The following EPHA6 variants were observed in gnomAD, a reference collection of about 807,000 sequenced individuals.
EPHA6 encodes the protein ephrin type-A receptor 6.
In EPHA6, 50 loss-of-function variants were observed where a neutral mutation model predicts 112.0. The ratio of observed to expected loss-of-function variants is 0.45; its 90% CI spans 0.36 to 0.56. The LOEUF is 0.56. Ranked by LOEUF, EPHA6 falls within the 20% of genes least tolerant of loss-of-function variation. The pLI is 0.00. For missense variants in EPHA6, 1,280 were observed against 1,417.4 expected (o/e 0.90, Z 1.56); for synonymous variants, 529 against 490.7 (o/e 1.08, Z -1.03).
chr3:96,854,094 T>C (rs190577056), intron 1 of EPHA6, among the ~76,000 whole-genome samples: 1 of 152,000 alleles, frequency 6.6e-6, no homozygotes, highest in African/African-American at 2.4e-5. Flanking sequence ...TGATATTTTA[T>C]ATATTTTCCA....
At position 97,748,919 on chromosome 3, in the gene EPHA6, A is replaced by G. The variant is rs1213536056; in HGVS notation, c.*218A>G. 9.5e-6 allele frequency: 5 copies of G among 525,300 alleles called. No homozygotes were observed. Among genetic ancestry groups the G allele is most frequent in the Non-Finnish European group, 1.7e-5 (5 of 290,026 alleles). The allele number at this position is 525,300 out of a possible 1,614,324, so 32.5% of individuals were successfully genotyped here. A position where few individuals can be genotyped will look rare whatever the true frequency, so the allele number is the denominator to read the frequency against. ...TAACCTGCAACTAAAACCCTGGCCC[A>G]CTGCAGATTATTGCTACGCAATGGT... On this transcript the variant is annotated 3_prime_UTR_variant, in exon 18 of 18. Transcript: ENST00000389672.
intron 3 of EPHA6, among the ~76,000 whole-genome samples, chr3:97,084,833 T>C (rs2046843359): frequency 6.6e-6 from 1 of 152,078 alleles, no homozygotes; most frequent in Non-Finnish European, 1.5e-5. Context: ...ACCCAAAGGC[T>C]ACAATAACCG....
At chr3:97,305,132 G>A (rs1056388366) in intron 5 of EPHA6, among the ~76,000 whole-genome samples, 10 of 151,900 alleles carry the variant, frequency 6.6e-5, no homozygotes, top group Non-Finnish European at 1.0e-4. Context: ...CTGAATAAAA[G>A]CTCAACATCA....
intron 3 of EPHA6, among the ~76,000 whole-genome samples, chr3:97,214,712 G>C (rs1189800037): frequency 6.6e-6 from 1 of 152,014 alleles, no homozygotes; most frequent in Non-Finnish European, 1.5e-5. Flanking sequence ...TTTGTAATTT[G>C]ATTATTCTTA....
intron 1 of EPHA6, among the ~76,000 whole-genome samples, chr3:96,816,010 A>G (rs1268590031): frequency 1.3e-5 from 2 of 152,170 alleles, no homozygotes; most frequent in Non-Finnish European, 2.9e-5. Context: ...CATTTAACAC[A>G]TAAGGCATAT....
intron 3 of EPHA6, among the ~76,000 whole-genome samples, chr3:97,064,149 C>G (rs2046108824): frequency 1.3e-5 from 2 of 152,162 alleles, no homozygotes; most frequent in Non-Finnish European, 2.9e-5. Context: ...ACAGCTAAAT[C>G]TAAGGAAGAA....
At chr3:97,023,705 C>T (rs554377290) in intron 3 of EPHA6, among the ~76,000 whole-genome samples, 59 of 150,428 alleles carry the variant, frequency 3.9e-4, no homozygotes, top group Non-Finnish European at 8.3e-4. Context: ...AAAACTATTT[C>T]CTATTTATAT....
chr3:97,177,800 A>G (rs191257772), intron 3 of EPHA6, among the ~76,000 whole-genome samples: 2 of 152,076 alleles, frequency 1.3e-5, no homozygotes, highest in Admixed American at 6.6e-5. Flanking sequence ...TTGGCATGGA[A>G]TATCTCTTAC....
chr3:97,351,121 A>T (rs1559911625), intron 5 of EPHA6, among the ~76,000 whole-genome samples: 1 of 152,206 alleles, frequency 6.6e-6, no homozygotes, highest in Non-Finnish European at 1.5e-5. Flanking sequence ...AGGGACCAAA[A>T]AAATGGCAGA....
At chr3:96,848,636 T>A (rs1452991153) in intron 1 of EPHA6, among the ~76,000 whole-genome samples, 1 of 151,664 alleles carries the variant, frequency 6.6e-6, no homozygotes, top group African/African-American at 2.4e-5. Flanking sequence ...TTAAAAAAAA[T>A]TAAATCTTCA....
At chr3:97,351,230 C>G (rs2083799208) in intron 5 of EPHA6, among the ~76,000 whole-genome samples, 1 of 152,150 alleles carries the variant, frequency 6.6e-6, no homozygotes, top group South Asian at 2.1e-4. Flanking sequence ...GGCATGCCAA[C>G]AGAGCTCTTA....
intron 11 of EPHA6, among the ~76,000 whole-genome samples, chr3:97,591,020 A>G (rs78036538): frequency 0.015 from 2,333 of 152,268 alleles, 73 homozygotes; most frequent in African/African-American, 0.053. Flanking sequence ...GTTACCTCGG[A>G]GTACTTTCTG....
intron 3 of EPHA6, among the ~76,000 whole-genome samples, chr3:97,073,562 A>G (rs2046423501): frequency 6.6e-6 from 1 of 152,128 alleles, no homozygotes; most frequent in Non-Finnish European, 1.5e-5. Context: ...TACTGTGGCA[A>G]TCAGTTATTT....
At chr3:97,606,091 A>C (rs1201952036) in intron 12 of EPHA6, 1 of 151,416 alleles carries the variant, frequency 6.6e-6, no homozygotes, top group East Asian at 1.9e-4. Flanking sequence ...TGCAATAAAC[A>C]ATGCAGTCTC....
intron 2 of EPHA6, among the ~76,000 whole-genome samples, chr3:96,959,688 G>C (rs538581392): frequency 1.3e-5 from 2 of 151,828 alleles, no homozygotes; most frequent in African/African-American, 2.4e-5. Context: ...TGTAAGGAAG[G>C]GGTCTGACTC....
rs906654476 is a variant in EPHA6 at position 97,748,792 on chromosome 3, C to T, written c.*91C>T. The T allele has an allele frequency of 9.5e-6, 7 of 740,186 alleles. No homozygotes were observed. The highest frequency in any genetic ancestry group is 1.7e-5 in the Non-Finnish European group (7 of 414,646). The allele number at this position is 740,186 out of a possible 1,614,324, so 45.9% of individuals were successfully genotyped here. Reference sequence around the variant, plus strand: ...CTCTCTCTTCTGATTCTCCAAACATCACTTCACAAACTGCAGTCTTCTGTT... The same window carrying T: ...CTCTCTCTTCTGATTCTCCAAACATTACTTCACAAACTGCAGTCTTCTGTT... On this transcript the variant is annotated 3_prime_UTR_variant, in exon 18 of 18. Transcript: ENST00000389672.
intron 13 of EPHA6, among the ~76,000 whole-genome samples, chr3:97,623,772 A>G (rs2093832460): frequency 1.3e-5 from 2 of 151,736 alleles, no homozygotes; most frequent in African/African-American, 2.4e-5. Flanking sequence ...ATTCCAGCAT[A>G]TGAATTTGGA....
At chr3:97,180,964 G>C (rs1487413963) in intron 3 of EPHA6, among the ~76,000 whole-genome samples, 4 of 152,002 alleles carry the variant, frequency 2.6e-5, no homozygotes, top group African/African-American at 9.7e-5. Context: ...AGTCCGTATG[G>C]CTTAGACTAC....
At chr3:97,433,478 A>C (rs2089639909) in intron 6 of EPHA6, among the ~76,000 whole-genome samples, 1 of 152,152 alleles carries the variant, frequency 6.6e-6, no homozygotes, top group Middle Eastern at 3.2e-3. Context: ...GGAACATATG[A>C]ATATATAAAA....
Sources: allele counts gnomAD v4.1 joint callset (sites outside exome capture counted in the v4.1 genomes callset), GRCh38; gene constraint gnomAD v4.1.1; transcripts MANE v1.5; gene names NCBI Gene and HGNC (gene_info 2026-07-23, HGNC 2026-07-21).